The following CHL1 variants were observed in gnomAD, a reference collection of about 807,000 sequenced individuals.
CHL1 encodes the protein neural cell adhesion molecule L1-like protein.
CHL1 carries 96 observed loss-of-function variants against 141.9 expected under a neutral mutation model. That is an observed-to-expected ratio of 0.68 (90% confidence interval 0.57 to 0.80). The LOEUF (loss-of-function observed/expected upper bound fraction) is 0.80. Among genes scored for constraint, CHL1 ranks in the 30% least tolerant of loss-of-function variants. The pLI, the probability that CHL1 is intolerant of heterozygous loss-of-function variation, is 0.00. For missense variants in CHL1, 1,820 were observed against 1,457.2 expected (o/e 1.25, Z -4.05); for synonymous variants, 613 against 502.2 (o/e 1.22, Z -2.95).
At chr3:312,755 G>A (rs1402263382) in intron 2 of CHL1, among the ~76,000 whole-genome samples, 3 of 152,160 alleles carry the variant, frequency 2.0e-5, no homozygotes, top group African/African-American at 7.2e-5. Flanking sequence ...GCTTGATGCA[G>A]CTCAGTGATT....
intron 19 of CHL1, among the ~76,000 whole-genome samples, chr3:385,506 T>C (rs1326268214): frequency 1.3e-5 from 2 of 152,150 alleles, no homozygotes; most frequent in African/African-American, 2.4e-5. Flanking sequence ...TTATTAATGC[T>C]CTCTTCTTGT....
chr3:391,672 T>C lies in CHL1; in HGVS notation c.2792-3T>C. The C allele has an allele frequency of 6.3e-7, 1 of 1,597,092 alleles. No homozygotes were observed. Among genetic ancestry groups the C allele is most frequent in the Non-Finnish European group, 8.5e-7 (1 of 1,171,968 alleles). On this transcript the variant is annotated splice_polypyrimidine_tract_variant and splice_region_variant and intron_variant, in intron 22 of 27. Coordinates refer to ENST00000256509, the MANE Select transcript of CHL1 (RefSeq NM_006614.4). ...AGTTTATTTTTGGTCTTGTGTTTTC[T>C]AGTACCTGAACAGCCAACTTTTCTA...
chr3:374,993 CA>C (rs964023782), intron 15 of CHL1, among the ~76,000 whole-genome samples: 3 of 152,020 alleles, frequency 2.0e-5, no homozygotes, highest in African/African-American at 7.2e-5. Flanking sequence ...TGTAGGGATG[CA>C]GTAAGTGCTG....
chr3:227,598 A>G (rs1440653638), intron 1 of CHL1, among the ~76,000 whole-genome samples: 3 of 152,206 alleles, frequency 2.0e-5, no homozygotes, highest in African/African-American at 4.8e-5. Context: ...AGACAATAGC[A>G]TGTGTGGACG....
At chr3:367,404 T>C (rs1191654924) in intron 15 of CHL1, among the ~76,000 whole-genome samples, 1 of 152,226 alleles carries the variant, frequency 6.6e-6, no homozygotes, top group Non-Finnish European at 1.5e-5. Context: ...AAATCTCAGC[T>C]CAGTCACTTA....
rs1029231601 is a variant in CHL1 at position 310,861 on chromosome 3, C to T, written c.-94-8822C>T. Among the ~76,000 whole-genome samples, 5 of 152,280 alleles carry T rather than the reference C, an allele frequency of 3.3e-5. 1 individual carries two copies. In the South Asian group the frequency reaches 6.2e-4, roughly 19 times the overall value. ...GTATCATACAAAGTAGTTTCACTGC[C>T]GTAAAAATCCTGTCCTCCTATTCAT... On this transcript the variant is annotated intron_variant, in intron 2 of 27. Transcript: ENST00000256509.
Position 340,912 on chromosome 3 carries a change from T to C in CHL1, c.504T>C (p.Asn168=). 1.2e-6 allele frequency: 2 copies of C among 1,612,386 alleles called. No individual in the cohort carries two copies. Among genetic ancestry groups the C allele is most frequent in the South Asian group, 2.2e-5 (2 of 90,760 alleles). Residue 168 remains asparagine (N), a synonymous_variant, in exon 6 of 28, where the codon AAT becomes AAC. Coordinates refer to ENST00000256509, the MANE Select transcript of CHL1 (RefSeq NM_006614.4). The part of the protein sequence containing the change: ...GLPPLHIYWM[N]IELEHIEQDE... ...CACCTTTACACATTTATTGGATGAA[T>C]ATTGGTAAGTAATGCTCCGTTCCAT...
At chr3:352,829 A>T (rs1303326493) in intron 10 of CHL1, among the ~76,000 whole-genome samples, 2 of 152,222 alleles carry the variant, frequency 1.3e-5, no homozygotes, top group African/African-American at 4.8e-5. Flanking sequence ...GTCAGTTGAT[A>T]AATATTGGGG....
intron 2 of CHL1, among the ~76,000 whole-genome samples, chr3:281,014 T>A (rs540184181): frequency 6.7e-6 from 1 of 150,056 alleles, no homozygotes; most frequent in African/African-American, 2.5e-5. Context: ...CAACTGGGGT[T>A]ATTTTTTTCC....
At chr3:355,257 A>C (rs1369632937) in intron 11 of CHL1, among the ~76,000 whole-genome samples, 1 of 152,142 alleles carries the variant, frequency 6.6e-6, no homozygotes, top group Non-Finnish European at 1.5e-5. Flanking sequence ...AAGCATCCTC[A>C]GGGAAAAGGA....
chr3:337,128 G>C (rs1457071085), intron 5 of CHL1, among the ~76,000 whole-genome samples: 1 of 151,302 alleles, frequency 6.6e-6, no homozygotes, highest in African/African-American at 2.4e-5. Context: ...GCATTAGATA[G>C]AAAGGAAATT....
intron 5 of CHL1, among the ~76,000 whole-genome samples, chr3:329,485 G>A (rs991597397): frequency 6.6e-6 from 1 of 151,730 alleles, no homozygotes; most frequent in Non-Finnish European, 1.5e-5. Flanking sequence ...TCGGAAGTAA[G>A]GTGTGCATCT....
At chr3:356,692 AG>A (rs1292009338) in intron 11 of CHL1, among the ~76,000 whole-genome samples, 7 of 152,260 alleles carry the variant, frequency 4.6e-5, no homozygotes, top group African/African-American at 1.7e-4. Context: ...CCTAAATAGC[AG>A]GGAAAGTGCT....
intron 1 of CHL1, among the ~76,000 whole-genome samples, chr3:221,753 A>C (rs1700860763): frequency 6.6e-6 from 1 of 152,252 alleles, no homozygotes; most frequent in South Asian, 2.1e-4. Context: ...ACCATTGAAA[A>C]GTTTAAATCA....
chr3:375,853 G>T (rs931584175), intron 15 of CHL1, among the ~76,000 whole-genome samples: 2 of 152,110 alleles, frequency 1.3e-5, no homozygotes, highest in African/African-American at 4.8e-5. Flanking sequence ...GCAAACACAG[G>T]TCTCCAAAGA....
rs1221169013 is a variant in CHL1, at chr3:394,838, G to T, written c.3060G>T (p.Pro1020=). The change falls in exon 24 of 28, where the codon CCG becomes CCT. Residue 1020 remains proline, a synonymous_variant. Coordinates refer to ENST00000256509, the MANE Select transcript of CHL1 (RefSeq NM_006614.4). ...GCACTTCACAGGGCTGTGGAAAACC[G>T]ATCACGGAGGAAAGCTCCACCTTAG... The part of the protein sequence containing the change: ...RACTSQGCGK[P]ITEESSTLGE... The T allele has an allele frequency of 1.2e-6, 2 of 1,613,124 alleles. No individual in the cohort carries two copies. The highest frequency in any genetic ancestry group is 1.3e-5 in the African/African-American group (1 of 74,990).
intron 2 of CHL1, among the ~76,000 whole-genome samples, chr3:245,927 C>T (rs1693119920): frequency 6.6e-6 from 1 of 152,036 alleles, no homozygotes; most frequent in Non-Finnish European, 1.5e-5. Context: ...GAACTTTCTC[C>T]AAGAGGGGTT....
intron 2 of CHL1, among the ~76,000 whole-genome samples, chr3:250,672 G>A (rs922846163): frequency 1.3e-5 from 2 of 152,078 alleles, no homozygotes; most frequent in Non-Finnish European, 2.9e-5. Context: ...TCAGCTCAAA[G>A]TAAACCTTAT....
intron 24 of CHL1, among the ~76,000 whole-genome samples, chr3:396,181 A>G (rs1708650334): frequency 6.6e-6 from 1 of 152,152 alleles, no homozygotes; most frequent in Non-Finnish European, 1.5e-5. Flanking sequence ...AACTAATTTC[A>G]CTGACTTTAC....
Sources: gnomAD v4.1 joint callset for allele counts (sites outside exome capture counted in the v4.1 genomes callset) on GRCh38, gnomAD v4.1.1 for gene constraint, MANE v1.5 for transcripts, NCBI Gene and HGNC (gene_info 2026-07-23, HGNC 2026-07-21) for gene names.